Variants in GRIP2 observed in about 807,000 individuals in gnomAD.
GRIP2 encodes glutamate receptor interacting protein 2.
In GRIP2, 58 loss-of-function variants were observed where a neutral mutation model predicts 108.3. The observed-to-expected ratio is 0.54, with a 90% CI of 0.43 to 0.67. The LOEUF is 0.67. GRIP2 is among the 30% of genes least tolerant of loss of function. The pLI, the probability that GRIP2 is intolerant of heterozygous loss-of-function variation, is 0.00. For synonymous variants in GRIP2, 586 were observed against 598.2 expected, an observed-to-expected ratio of 0.98 and a Z score of 0.30; for missense variants, 1,278 against 1,430.6, an observed-to-expected ratio of 0.89 and a Z score of 1.72.
At chr3:14,517,556 C>T (rs1405495045) in intron 10 of GRIP2, among the ~76,000 whole-genome samples, 1 of 134,086 alleles carries the variant, frequency 7.5e-6, no homozygotes, top group East Asian at 2.2e-4. Context: ...GGCTGAAGTG[C>T]GGCGGTGTGA....
intron 10 of GRIP2, among the ~76,000 whole-genome samples, chr3:14,517,480 C>T (rs1381250949): frequency 7.2e-6 from 1 of 138,318 alleles, no homozygotes; most frequent in Non-Finnish European, 1.5e-5. Flanking sequence ...AGGCAGGCCA[C>T]CTAATCTCTC....
At chr3:14,581,563 G>A in the GRIP2 span, among the ~76,000 whole-genome samples, 1 of 152,230 alleles carries the variant, frequency 6.6e-6, no homozygotes, top group Admixed American at 6.5e-5. Context: ...TGTCCAATGG[G>A]AGACAGCCCC....
the GRIP2 span, among the ~76,000 whole-genome samples, chr3:14,580,712 G>C: frequency 6.6e-6 from 1 of 152,098 alleles, no homozygotes; most frequent in Admixed American, 6.6e-5. Context: ...AAAAACAAAA[G>C]AAACAAACAA....
In GRIP2 at chr3:14,521,991, G is replaced by T. The variant is rs544579527; in HGVS notation, c.567-204C>A. On this transcript the variant is annotated intron_variant, in intron 6 of 23. Coordinates refer to ENST00000621039, the MANE Select transcript of GRIP2 (RefSeq NM_001080423.4). This position sits in a 1 kb window ranked among gnomAD's most constrained non-coding sequence, Gnocchi z 5.1. ...GAGTGGGGAGCTGCATAAAGCAAGG[G>T]GGGGATGAAGACAGGATGGGGTGGC... 15 of 552,384 alleles carry T rather than the reference G, an allele frequency of 2.7e-5. No individual in the cohort carries two copies. The highest frequency in any genetic ancestry group is 4.9e-5 in the South Asian group (2 of 40,594). The allele number at this position is 552,384 out of a possible 1,614,324, so 34.2% of individuals were successfully genotyped here.
chr3:14,553,090 C>G (rs1036491011), intron 1 of GRIP2, among the ~76,000 whole-genome samples: 1 of 148,144 alleles, frequency 6.8e-6, no homozygotes, highest in Non-Finnish European at 1.5e-5. Context: ...TTTCAAGCCT[C>G]CAGGCATTTT....
In GRIP2 at chr3:14,523,637, G is replaced by A; in HGVS notation, c.465C>T (p.Gly155=). Reference sequence around the variant, plus strand: ...CTCTAAGGACAAAGCCAAAGCTATTGCCCTCCTTGTAGAGGGAGACGTCCA... The same window carrying A: ...CTCTAAGGACAAAGCCAAAGCTATTACCCTCCTTGTAGAGGGAGACGTCCA... ...KTVDVSLYKE[G]NSFGFVLRGG... Residue 155 remains glycine (G), a synonymous_variant, in exon 5 of 24, where the codon GGC becomes GGT. Transcript: ENST00000621039. The A allele has an allele frequency of 6.2e-7, 1 of 1,611,856 alleles. No individual in the cohort carries two copies. The highest frequency in any genetic ancestry group is 8.5e-7 in the Non-Finnish European group (1 of 1,178,896).
At chr3:14,537,783 T>C (rs1014460730) in intron 1 of GRIP2, among the ~76,000 whole-genome samples, 5 of 152,156 alleles carry the variant, frequency 3.3e-5, no homozygotes, top group Admixed American at 2.0e-4. Flanking sequence ...TTCACACATG[T>C]ACACCCACAC....
chr3:14,587,809 G>A, the GRIP2 span, among the ~76,000 whole-genome samples: 4 of 152,056 alleles, frequency 2.6e-5, no homozygotes, highest in Non-Finnish European at 2.9e-5. Context: ...TGCTGGGTGC[G>A]CTCTGCCCTC....
chr3:14,537,898 C>A (rs1254881696), intron 1 of GRIP2, among the ~76,000 whole-genome samples: 1 of 152,220 alleles, frequency 6.6e-6, no homozygotes, highest in African/African-American at 2.4e-5. Context: ...GCAGGCCTCC[C>A]GTCCTCAAGG....
chr3:14,576,426 C>A, the GRIP2 span, among the ~76,000 whole-genome samples: 1 of 152,230 alleles, frequency 6.6e-6, no homozygotes, highest in East Asian at 1.9e-4. Flanking sequence ...CACTTCACTA[C>A]ACGGCCTCGC....
At chr3:14,573,716 T>C in the GRIP2 span, 1 of 1,428,062 alleles carries the variant, frequency 7.0e-7, no homozygotes, top group Non-Finnish European at 9.8e-7. Context: ...TAATGTCTTC[T>C]GGCCACTCAC....
At chr3:14,595,990 C>G in the GRIP2 span, among the ~76,000 whole-genome samples, 1 of 152,256 alleles carries the variant, frequency 6.6e-6, no homozygotes, top group Non-Finnish European at 1.5e-5. Flanking sequence ...CCATGAGGCT[C>G]TATATCCAGT....
chr3:14,572,852 G>T, the GRIP2 span: 5 of 1,129,916 alleles, frequency 4.4e-6, no homozygotes, highest in African/African-American at 1.5e-5. Context: ...AGCCAGCTCG[G>T]TGGAGCTGAG....
intron 9 of GRIP2, among the ~76,000 whole-genome samples, chr3:14,519,277 G>A (rs1012252841): frequency 1.1e-4 from 16 of 152,202 alleles, no homozygotes; most frequent in African/African-American, 3.4e-4. Context: ...GGGGGATTCC[G>A]TTCTCTTCCA....
chr3:14,599,947 C>T, the GRIP2 span, among the ~76,000 whole-genome samples: 2 of 152,158 alleles, frequency 1.3e-5, no homozygotes, highest in African/African-American at 2.4e-5. Context: ...CCAGCAGCTA[C>T]ATGTGTCTCT....
chr3:14,558,792 A>G (rs1369548148), upstream of GRIP2, among the ~76,000 whole-genome samples: 2 of 152,094 alleles, frequency 1.3e-5, no homozygotes, highest in African/African-American at 4.8e-5. Flanking sequence ...CCACTGCAGG[A>G]GCCTACAGTT....
At chr3:14,531,680 G>C (rs1405782670) in intron 1 of GRIP2, among the ~76,000 whole-genome samples, 1 of 152,150 alleles carries the variant, frequency 6.6e-6, no homozygotes, top group East Asian at 1.9e-4. Context: ...TGACAGACGA[G>C]GAAACAGGCT....
At chr3:14,558,316 A>AGGCTGTGGGCCG (rs1340070395), upstream of GRIP2, among the ~76,000 whole-genome samples, 2 of 152,184 alleles carry the variant, frequency 1.3e-5, no homozygotes, top group East Asian at 3.9e-4. Flanking sequence ...ATTGTGGGCC[A>AGGCTGTGGGCCG]GGCTGTGGGC....
chr3:14,536,110 T>A (rs1694827895), intron 1 of GRIP2, among the ~76,000 whole-genome samples: 1 of 152,176 alleles, frequency 6.6e-6, no homozygotes, highest in South Asian at 2.1e-4. Context: ...TCAATACATT[T>A]AAAAATTTGA....
Sources: allele counts gnomAD v4.1 joint callset (sites outside exome capture counted in the v4.1 genomes callset), GRCh38; gene constraint gnomAD v4.1.1; non-coding constraint Gnocchi (gnomAD v3.1); transcripts MANE v1.5; gene names NCBI Gene and HGNC (gene_info 2026-07-23, HGNC 2026-07-21).